Variants in ELAVL1 observed in about 807,000 individuals in gnomAD.
The protein encoded by ELAVL1 is ELAV like RNA binding protein 1.
A neutral mutation model predicts 28.4 loss-of-function variants in ELAVL1; 1 was observed. The observed-to-expected ratio is 0.04, with a 90% CI of 0.01 to 0.17. ELAVL1 has a LOEUF of 0.17. ELAVL1 is among the 10% of genes least tolerant of loss of function. ELAVL1 has a pLI of 1.00. For synonymous variants in ELAVL1, 174 were observed against 183.5 expected, an observed-to-expected ratio of 0.95 and a Z score of 0.42; for missense variants, 157 against 447.2, an observed-to-expected ratio of 0.35 and a Z score of 5.85.
chr19:7,994,544 G>GT (rs764860729), intron 1 of ELAVL1, among the ~76,000 whole-genome samples: 11 of 152,204 alleles, frequency 7.2e-5, no homozygotes, highest in Non-Finnish European at 8.8e-5. Flanking sequence ...CAAATGGCTC[G>GT]TAAGTCCAGA....
intron 2 of ELAVL1, 118 bp downstream of exon 2, chr19:7,991,526 C>T (rs541918332): frequency 2.6e-5 from 26 of 991,088 alleles, no homozygotes; most frequent in East Asian, 1.3e-4. Flanking sequence ...TCACAGCCAT[C>T]GTTTCAAGGC....
intron 3 of ELAVL1, among the ~76,000 whole-genome samples, chr19:7,978,928 C>T (rs1308723296): frequency 1.3e-5 from 2 of 152,176 alleles, no homozygotes; most frequent in Non-Finnish European, 1.5e-5. Flanking sequence ...CAACTCCATC[C>T]AGGCCCTTAT....
At chr19:8,000,520 G>A (rs965419280) in intron 1 of ELAVL1, among the ~76,000 whole-genome samples, 1 of 152,146 alleles carries the variant, frequency 6.6e-6, no homozygotes, top group Non-Finnish European at 1.5e-5. Flanking sequence ...CTATCTTCAG[G>A]CTCAATCTTG....
At chr19:7,965,256 A>C (rs1439123393) in intron 5 of ELAVL1, among the ~76,000 whole-genome samples, 1 of 152,156 alleles carries the variant, frequency 6.6e-6, no homozygotes, top group African/African-American at 2.4e-5. Context: ...CAGGATGGAA[A>C]GACTAAGAAG....
At position 7,962,824 on chromosome 19, in the gene ELAVL1, C is replaced by A. The variant is rs959382919; in HGVS notation, c.*659G>T. 7.9e-5 allele frequency: 12 copies of A among 152,716 alleles called. No homozygotes were observed. Among genetic ancestry groups the A allele is most frequent in the African/African-American group, 2.9e-4 (12 of 41,462 alleles). The allele number at this position is 152,716 out of a possible 1,614,324, so 9.5% of individuals were successfully genotyped here. A position where few individuals can be genotyped will look rare whatever the true frequency, so the allele number is the denominator to read the frequency against. On this transcript the variant is annotated 3_prime_UTR_variant, in exon 6 of 6. Transcript: ENST00000407627. ...ACTCTTTGGTCCATTCCCATTGGTG[C>A]CTGGGCTTACGAAACACGTTTGTGT... is the stretch of plus-strand genomic sequence containing the variant.
intron 1 of ELAVL1, among the ~76,000 whole-genome samples, chr19:8,002,787 T>TG (rs2081072627): frequency 6.6e-6 from 1 of 151,872 alleles, no homozygotes; most frequent in African/African-American, 2.4e-5. Flanking sequence ...AGGTGGAGGC[T>TG]GCAACAGGCA....
chr19:7,997,671 C>T (rs902710097), intron 1 of ELAVL1, among the ~76,000 whole-genome samples: 1 of 151,882 alleles, frequency 6.6e-6, no homozygotes, highest in Non-Finnish European at 1.5e-5. Flanking sequence ...CTGAGTGTGG[C>T]GACTCATGCC....
intron 2 of ELAVL1, among the ~76,000 whole-genome samples, chr19:7,990,189 A>G (rs1365161143): frequency 6.6e-6 from 1 of 151,920 alleles, no homozygotes; most frequent in African/African-American, 2.4e-5. Flanking sequence ...CGCCTGGCTA[A>G]TTTTTGAATT....
chr19:7,976,072 G>A (rs1336725543), intron 3 of ELAVL1, among the ~76,000 whole-genome samples: 1 of 151,082 alleles, frequency 6.6e-6, no homozygotes, highest in Non-Finnish European at 1.5e-5. Flanking sequence ...CAGCCTGGGT[G>A]ACTGAGTGAG....
intron 1 of ELAVL1, among the ~76,000 whole-genome samples, chr19:7,996,714 G>A (rs2081050654): frequency 1.3e-5 from 2 of 152,072 alleles, no homozygotes; most frequent in East Asian, 1.9e-4. Context: ...TGGGGAGGCT[G>A]AGGCAGGAGA....
At chr19:8,004,386 AG>A (rs981886738) in intron 1 of ELAVL1, among the ~76,000 whole-genome samples, 3 of 152,212 alleles carry the variant, frequency 2.0e-5, no homozygotes, top group African/African-American at 7.2e-5. Context: ...CATTTAGTTC[AG>A]TAATGGTTCT....
chr19:7,984,578 A>G (rs1306075559), intron 2 of ELAVL1, among the ~76,000 whole-genome samples: 1 of 152,206 alleles, frequency 6.6e-6, no homozygotes, highest in East Asian at 1.9e-4. Flanking sequence ...GGCTATGTGC[A>G]CAGGCCAGGG....
At chr19:7,972,139 T>G (rs1432833275) in intron 4 of ELAVL1, among the ~76,000 whole-genome samples, 1 of 152,244 alleles carries the variant, frequency 6.6e-6, no homozygotes, top group Middle Eastern at 3.2e-3. Context: ...TGGGCCTCAC[T>G]AGGCTCAGGG....
Position 7,991,773 on chromosome 19 carries a change from C to T in ELAVL1, c.43G>A (p.Gly15Ser), listed in dbSNP as rs765588626. 1.2e-6 allele frequency: 2 copies of T among 1,614,074 alleles called. No individual in the cohort carries two copies. Among genetic ancestry groups the T allele is most frequent in the African/African-American group, 1.3e-5 (1 of 75,016 alleles). ...YEDHMAEDCR[G>S]DIGRTNLIVN... is the part of the protein sequence containing the mutation. ...ATCAAATTCGTTCTCCCGATGTCAC[C>T]CCTGCAGTCTTCGGCCATGTGGTCT... The change falls in exon 2 of 6, where the codon GGT becomes AGT. Residue 15 changes from glycine to serine, a missense_variant. Transcript: ENST00000407627.
Position 7,982,644 on chromosome 19 carries a change from T to G in ELAVL1, c.173-1458A>C, listed in dbSNP as rs576895504. Among the ~76,000 whole-genome samples the G allele has an allele frequency of 6.6e-6, 1 of 152,200 alleles. No homozygotes were observed. The highest frequency in any genetic ancestry group is 1.5e-5 in the Non-Finnish European group (1 of 68,028). On this transcript the variant is annotated intron_variant, in intron 2 of 5. Coordinates refer to ENST00000407627, the MANE Select transcript of ELAVL1 (RefSeq NM_001419.3). This position sits in a 1 kb window ranked among gnomAD's most constrained non-coding sequence, Gnocchi z 4.3. ...GGTACCACCGCAAGTGAGTATGAAA[T>G]GCTGGTGACGATGAATGTTCCCATT...
At chr19:8,000,344 C>G (rs1355062000) in intron 1 of ELAVL1, among the ~76,000 whole-genome samples, 1 of 152,152 alleles carries the variant, frequency 6.6e-6, no homozygotes, top group East Asian at 1.9e-4. Context: ...GATCATCTAG[C>G]GCATATCCAG....
intron 1 of ELAVL1, among the ~76,000 whole-genome samples, chr19:8,001,840 G>A (rs1348374764): frequency 6.6e-6 from 1 of 152,090 alleles, no homozygotes; most frequent in African/African-American, 2.4e-5. Context: ...CCCTGGCACA[G>A]ACAAAATATC....
intron 2 of ELAVL1, among the ~76,000 whole-genome samples, chr19:7,984,144 C>T (rs2039078253): frequency 1.3e-5 from 2 of 152,178 alleles, no homozygotes; most frequent in African/African-American, 2.4e-5. Flanking sequence ...TGCCCGTCAC[C>T]TTCCATGGTC....
At chr19:7,974,744 A>C (rs1985231658) in intron 3 of ELAVL1, among the ~76,000 whole-genome samples, 1 of 152,164 alleles carries the variant, frequency 6.6e-6, no homozygotes, top group Non-Finnish European at 1.5e-5. Context: ...AAGGAAGTTC[A>C]TTCCCTTTGA....
Sources: allele counts gnomAD v4.1 joint callset (sites outside exome capture counted in the v4.1 genomes callset), GRCh38; gene constraint gnomAD v4.1.1; non-coding constraint Gnocchi (gnomAD v3.1); transcripts MANE v1.5; gene names NCBI Gene and HGNC (gene_info 2026-07-23, HGNC 2026-07-21).